The following DPYS variants were observed in gnomAD, a reference collection of about 807,000 sequenced individuals.
DPYS encodes the protein dihydropyrimidinase.
DPYS carries 39 observed loss-of-function variants against 50.3 expected under a neutral mutation model. The observed-to-expected ratio is 0.78, with a 90% CI of 0.60 to 1.01. The LOEUF is 1.01. Among genes scored for constraint, DPYS ranks in the 50% least tolerant of loss-of-function variants. The pLI is 0.00. For missense variants in DPYS, 659 were observed against 680.9 expected (o/e 0.97, Z 0.36); for synonymous variants, 245 against 250.7 (o/e 0.98, Z 0.22).
At chr8:104,427,918 C>CA in intron 6 of DPYS, 62 bp downstream of exon 6, 2 of 1,612,356 alleles carry the variant, frequency 1.2e-6, no homozygotes, top group South Asian at 2.2e-5. Flanking sequence ...CTCTGGTCCT[C>CA]AAATGGGCAG....
At chr8:104,429,248 TA>T in intron 5 of DPYS, 1 of 380,678 alleles carries the variant, frequency 2.6e-6, no homozygotes, top group South Asian at 3.3e-5. Context: ...TGATAAAAAG[TA>T]AGGTGTAATG....
At position 104,418,443 on chromosome 8, in the gene DPYS, C is replaced by T. The variant is rs761992669; in HGVS notation, c.1235+5804G>A. 3.9e-4 allele frequency among the ~76,000 whole-genome samples: 59 copies of T among 152,170 alleles called. 1 individual carries two copies. The highest frequency in any genetic ancestry group is 1.8e-3 in the Admixed American group (27 of 15,288). On this transcript the variant is annotated intron_variant, in intron 7 of 9. Coordinates refer to ENST00000351513, the MANE Select transcript of DPYS (RefSeq NM_001385.3). ...CTTCATTGCAAGAAGAAAAAAAAACCGTATAGATATATTCATTTATTCATT... is the reference window on the plus strand; with the variant it reads ...CTTCATTGCAAGAAGAAAAAAAAACTGTATAGATATATTCATTTATTCATT...
intron 7 of DPYS, among the ~76,000 whole-genome samples, chr8:104,399,058 A>G (rs1031844781): frequency 6.6e-6 from 1 of 152,144 alleles, no homozygotes; most frequent in African/African-American, 2.4e-5. Context: ...TGGGAAGCTG[A>G]GGCGGGCAGA....
intron 7 of DPYS, among the ~76,000 whole-genome samples, chr8:104,409,250 C>T (rs558800094): frequency 6.9e-4 from 105 of 151,608 alleles, no homozygotes; most frequent in African/African-American, 2.2e-3. Flanking sequence ...TTTGGGAGGC[C>T]GAGGTGGGCG....
chr8:104,465,792 A>T (rs1814356609), intron 1 of DPYS, among the ~76,000 whole-genome samples: 1 of 152,190 alleles, frequency 6.6e-6, no homozygotes, highest in Non-Finnish European at 1.5e-5. Context: ...GTTTGGTTTA[A>T]GTTTCCTTTC....
intron 7 of DPYS, among the ~76,000 whole-genome samples, chr8:104,402,506 T>A (rs1030164661): frequency 6.6e-6 from 1 of 152,196 alleles, no homozygotes; most frequent in Non-Finnish European, 1.5e-5. Context: ...TGGTGAGAGT[T>A]AGAAATAACT....
At chr8:104,461,525 C>T (rs558714291) in intron 1 of DPYS, among the ~76,000 whole-genome samples, 136 of 152,020 alleles carry the variant, frequency 8.9e-4, no homozygotes, top group Non-Finnish European at 1.6e-3. Context: ...CAATAATTTA[C>T]ATATAAGGAT....
intron 6 of DPYS, among the ~76,000 whole-genome samples, chr8:104,427,222 A>G (rs1021809447): frequency 2.0e-5 from 3 of 151,222 alleles, no homozygotes; most frequent in African/African-American, 7.3e-5. Flanking sequence ...AAAAAAAAGA[A>G]CTGACATCAA....
chr8:104,449,741 A>G (rs1028805030), intron 2 of DPYS, among the ~76,000 whole-genome samples: 1 of 152,232 alleles, frequency 6.6e-6, no homozygotes, highest in African/African-American at 2.4e-5. Context: ...TGCTTCTACA[A>G]GACAAGGAAT....
In DPYS at chr8:104,451,350, C is replaced by A. The variant is rs1243453247; in HGVS notation, c.319G>T (p.Gly107Cys). 6.2e-7 allele frequency: 1 copy of A among 1,614,082 alleles called. No homozygotes were observed. Among genetic ancestry groups the A allele is most frequent in the East Asian group, 2.2e-5 (1 of 44,888 alleles). The change falls in exon 2 of 10, where the codon GGT (glycine) becomes TGT (cysteine). Residue 107 changes from glycine to cysteine, a missense_variant. Coordinates refer to ENST00000351513, the MANE Select transcript of DPYS (RefSeq NM_001385.3). ...MIIDFAIPQK[G>C]GSLIEAFETW... ...TCGAAGGCCTCAATGAGGGAGCCAC[C>A]TTTCTGAGGAATGGCGAAATCAATA...
At chr8:104,449,970 T>G (rs988216689) in intron 2 of DPYS, among the ~76,000 whole-genome samples, 1 of 151,580 alleles carries the variant, frequency 6.6e-6, no homozygotes, top group Non-Finnish European at 1.5e-5. Flanking sequence ...ATAACCCCCC[T>G]GAACAGAATC....
At chr8:104,459,381 GA>G (rs2140765630) in intron 1 of DPYS, among the ~76,000 whole-genome samples, 1 of 152,294 alleles carries the variant, frequency 6.6e-6, no homozygotes, top group South Asian at 2.1e-4. Context: ...ACAGATTAGA[GA>G]CCCATATACC....
intron 6 of DPYS, among the ~76,000 whole-genome samples, chr8:104,424,863 G>T (rs570306678): frequency 7.2e-6 from 1 of 139,286 alleles, no homozygotes; most frequent in Admixed American, 7.6e-5. Flanking sequence ...TTTCACTCTC[G>T]TTGCCCAGGC....
intron 7 of DPYS, among the ~76,000 whole-genome samples, chr8:104,411,007 G>A (rs1323591316): frequency 6.6e-6 from 1 of 152,002 alleles, no homozygotes; most frequent in African/African-American, 2.4e-5. Flanking sequence ...CTCAACTTAG[G>A]ACAATTATTT....
At chr8:104,432,826 A>T (rs1469862895) in intron 4 of DPYS, among the ~76,000 whole-genome samples, 1 of 152,162 alleles carries the variant, frequency 6.6e-6, no homozygotes, top group Non-Finnish European at 1.5e-5. Flanking sequence ...TTATGAAAGT[A>T]CCCAGAATCT....
intron 7 of DPYS, among the ~76,000 whole-genome samples, chr8:104,416,915 C>T (rs912392170): frequency 4.6e-5 from 7 of 152,220 alleles, no homozygotes; most frequent in South Asian, 2.1e-4. Flanking sequence ...ATTCTTCCCC[C>T]GCTTTATTTC....
intron 4 of DPYS, among the ~76,000 whole-genome samples, chr8:104,443,135 C>T (rs1242813464): frequency 6.6e-6 from 1 of 152,202 alleles, no homozygotes; most frequent in Non-Finnish European, 1.5e-5. Flanking sequence ...ATAACACTGT[C>T]TCTGATTATC....
At chr8:104,454,659 ATAGT>A (rs1403882543) in intron 1 of DPYS, among the ~76,000 whole-genome samples, 1 of 152,224 alleles carries the variant, frequency 6.6e-6, no homozygotes, top group Non-Finnish European at 1.5e-5. Flanking sequence ...TAAATATAAA[ATAGT>A]TAGATTGTAA....
intron 1 of DPYS, among the ~76,000 whole-genome samples, chr8:104,452,819 C>G (rs749827931): frequency 1.4e-4 from 22 of 152,090 alleles, no homozygotes; most frequent in Non-Finnish European, 2.9e-4. Context: ...CCAGCCTGGG[C>G]AACAGAGAGA....
Sources: gnomAD v4.1 joint callset for allele counts (sites outside exome capture counted in the v4.1 genomes callset) on GRCh38, gnomAD v4.1.1 for gene constraint, MANE v1.5 for transcripts, NCBI Gene and HGNC (gene_info 2026-07-23, HGNC 2026-07-21) for gene names.